The following AFAP1L1 variants were observed in gnomAD, a reference collection of about 807,000 sequenced individuals.
The protein encoded by AFAP1L1 is actin filament associated protein 1 like 1.
AFAP1L1 carries 77 observed loss-of-function variants against 99.8 expected under a neutral mutation model. The ratio of observed to expected loss-of-function variants is 0.77; its 90% CI spans 0.64 to 0.93. The LOEUF is 0.93. Ranked by LOEUF, AFAP1L1 falls within the 40% of genes least tolerant of loss-of-function variation. The pLI is 0.00. For synonymous variants in AFAP1L1, 373 were observed against 395.3 expected (o/e 0.94, Z 0.67); for missense variants, 893 against 996.8 (o/e 0.90, Z 1.40).
rs1206851813 is a variant in AFAP1L1 at position 149,312,152 on chromosome 5, G to T, written c.968G>T (p.Gly323Val). The T allele has an allele frequency of 6.2e-7, 1 of 1,614,134 alleles. No homozygotes were observed. The highest frequency in any genetic ancestry group is 2.2e-5 in the East Asian group (1 of 44,874). Residue 323 changes from glycine to valine, a missense_variant, in exon 9 of 19, where the codon GGA becomes GTA. Gly to Val is a moderately radical substitution (Grantham distance 109, BLOSUM62 -3). Transcript: ENST00000296721. ...AGCAAGCCAGTTGGGGGAGCTGAGG[G>T]AGTGGAGGTCCCCAGATCCCCAGTC... ...EVSKPVGGAE[G>V]VEVPRSPVLL...
At chr5:149,338,085 C>T (rs760563051) in intron 18 of AFAP1L1, among the ~76,000 whole-genome samples, 5 of 152,216 alleles carry the variant, frequency 3.3e-5, no homozygotes, top group Non-Finnish European at 7.3e-5. Context: ...ATTTAAAGGA[C>T]AGCTGTTTAT....
At chr5:149,292,547 A>C (rs1410873927) in intron 1 of AFAP1L1, among the ~76,000 whole-genome samples, 1 of 152,196 alleles carries the variant, frequency 6.6e-6, no homozygotes, top group Non-Finnish European at 1.5e-5. Context: ...TAGGTTTCTA[A>C]ATTTATTTGA....
chr5:149,281,141 C>T (rs1230865907), intron 1 of AFAP1L1, among the ~76,000 whole-genome samples: 2 of 152,136 alleles, frequency 1.3e-5, no homozygotes, highest in Non-Finnish European at 2.9e-5. Flanking sequence ...CAGTCATTCA[C>T]GGTGGGGGGG....
intron 1 of AFAP1L1, among the ~76,000 whole-genome samples, chr5:149,296,296 A>C (rs1438480134): frequency 6.6e-6 from 1 of 152,208 alleles, no homozygotes; most frequent in East Asian, 1.9e-4. Flanking sequence ...AGCCTCCCAA[A>C]ATGTTGAGAT....
Position 149,317,618 on chromosome 5 carries a change from G to A in AFAP1L1, c.1268-111G>A, listed in dbSNP as rs966637025. The stretch of plus-strand genomic sequence containing the variant: ...TCACCCTGAGGTCACAGGGGAAAGA[G>A]AGCTGACCAGGACCCCGAGGCCTTC... On this transcript the variant is annotated intron_variant, in intron 11 of 18. Transcript: ENST00000296721. 2.7e-6 allele frequency: 3 copies of A among 1,111,732 alleles called. No homozygotes were observed. The East Asian group carries it at 7.7e-5, about 29-fold the overall frequency. The allele number at this position is 1,111,732 out of a possible 1,614,324, so 68.9% of individuals were successfully genotyped here.
chr5:149,272,840 T>C (rs1482504925), intron 1 of AFAP1L1, among the ~76,000 whole-genome samples: 1 of 152,036 alleles, frequency 6.6e-6, no homozygotes, highest in Non-Finnish European at 1.5e-5. Context: ...ATAGCTGGGA[T>C]TAGAGGCATG....
Position 149,320,501 on chromosome 5 carries a change from G to A in AFAP1L1, c.1698+38G>A, listed in dbSNP as rs1192278024. The A allele has an allele frequency of 6.3e-7, 1 of 1,584,574 alleles. No individual in the cohort carries two copies. ...GGGGCTGCCCAGGAATGTGGCAAAGGCCACTTATTAGCTCTCCCTCTTTCT... is the reference window on the plus strand; with the variant it reads ...GGGGCTGCCCAGGAATGTGGCAAAGACCACTTATTAGCTCTCCCTCTTTCT... On this transcript the variant is annotated intron_variant, in intron 14 of 18. Coordinates refer to ENST00000296721, the MANE Select transcript of AFAP1L1 (RefSeq NM_152406.4). The surrounding 1 kb of genome is among the most constrained non-coding windows in gnomAD (Gnocchi z 4.0).
intron 1 of AFAP1L1, among the ~76,000 whole-genome samples, chr5:149,279,418 G>A (rs957303038): frequency 1.2e-4 from 19 of 152,174 alleles, no homozygotes; most frequent in Admixed American, 2.6e-4. Context: ...AGAAGCTTTC[G>A]CAGCTTGACC....
Position 149,312,116 on chromosome 5 carries a change from T to C in AFAP1L1, c.932T>C (p.Ile311Thr). The change falls in exon 9 of 19, where the codon ATC becomes ACC. Residue 311 changes from isoleucine to threonine, a missense_variant. By Grantham distance (89) the Ile-to-Thr change is moderately conservative. Transcript: ENST00000296721. ...AGCTGTGTGTCCTCTTCACAGGTCA[T>C]CCGAGAAGTGAGCAAGCCAGTTGGG... ...REQAEEWLKV[I>T]REVSKPVGGA... 1 of 1,613,404 alleles carries C rather than the reference T, an allele frequency of 6.2e-7. No individual in the cohort carries two copies. Among genetic ancestry groups the C allele is most frequent in the African/African-American group, 1.3e-5 (1 of 75,036 alleles).
At chr5:149,300,710 A>G (rs1415623097) in intron 3 of AFAP1L1, among the ~76,000 whole-genome samples, 1 of 152,230 alleles carries the variant, frequency 6.6e-6, no homozygotes, top group Admixed American at 6.5e-5. Flanking sequence ...TGCCACGGGC[A>G]TGGGAGCAGC....
chr5:149,306,511 G>A, intron 6 of AFAP1L1, 107 bp downstream of exon 6: 2 of 1,046,258 alleles, frequency 1.9e-6, no homozygotes, highest in Non-Finnish European at 1.4e-6. Flanking sequence ...CCCTCACCCA[G>A]ACCATGGTCA....
intron 17 of AFAP1L1, among the ~76,000 whole-genome samples, chr5:149,335,022 T>A (rs1757363848): frequency 6.6e-6 from 1 of 152,208 alleles, no homozygotes; most frequent in African/African-American, 2.4e-5. Context: ...TGACTAATAA[T>A]AGTACCTACT....
At chr5:149,279,234 A>G (rs1377132026) in intron 1 of AFAP1L1, among the ~76,000 whole-genome samples, 2 of 152,236 alleles carry the variant, frequency 1.3e-5, no homozygotes, top group East Asian at 3.8e-4. Context: ...AGGAGATTAA[A>G]CAGAGGCCAG....
intron 14 of AFAP1L1, among the ~76,000 whole-genome samples, 164 bp from the exon 15 acceptor site, chr5:149,322,442 C>G (rs551762311): frequency 3.9e-5 from 6 of 152,218 alleles, no homozygotes; most frequent in Non-Finnish European, 8.8e-5. Context: ...TGATATACTG[C>G]TAGCAAAAGT....
intron 18 of AFAP1L1, among the ~76,000 whole-genome samples, chr5:149,339,427 C>T (rs1034918983): frequency 1.3e-5 from 2 of 152,020 alleles, no homozygotes; most frequent in Non-Finnish European, 2.9e-5. Flanking sequence ...CTCCTGACCT[C>T]GTGATCCGCC....
chr5:149,298,882 C>T (rs568785680), intron 1 of AFAP1L1, among the ~76,000 whole-genome samples: 1 of 152,338 alleles, frequency 6.6e-6, no homozygotes, highest in South Asian at 2.1e-4. Context: ...TCAGAATTTG[C>T]ATTTTGACAA....
chr5:149,296,040 A>G (rs1756006463), intron 1 of AFAP1L1, among the ~76,000 whole-genome samples: 1 of 152,198 alleles, frequency 6.6e-6, no homozygotes, highest in African/African-American at 2.4e-5. Flanking sequence ...GGAGTCCTCA[A>G]CAATTTTTTT....
chr5:149,332,743 A>G lies in AFAP1L1; in HGVS notation c.2024A>G (p.Gln675Arg). The G allele has an allele frequency of 6.2e-7, 1 of 1,613,932 alleles. No individual in the cohort carries two copies. The highest frequency in any genetic ancestry group is 8.5e-7 in the Non-Finnish European group (1 of 1,180,008). Reference sequence around the variant, plus strand: ...GAAGCCGTGGCCACCCTGGAAGCTCAGTGTCGGGCAAAGGAGGAGCGCCGG... The same window carrying G: ...GAAGCCGTGGCCACCCTGGAAGCTCGGTGTCGGGCAAAGGAGGAGCGCCGG... ...LEEAVATLEA[Q>R]CRAKEERRID... Residue 675 changes from glutamine to arginine, a missense_variant, in exon 17 of 19, where the codon CAG becomes CGG. By Grantham distance (43) the Gln-to-Arg change is conservative. Coordinates refer to ENST00000296721, the MANE Select transcript of AFAP1L1 (RefSeq NM_152406.4).
chr5:149,291,545 A>G (rs1755858971), intron 1 of AFAP1L1, among the ~76,000 whole-genome samples: 1 of 143,428 alleles, frequency 7.0e-6, no homozygotes, highest in Non-Finnish European at 1.5e-5. Flanking sequence ...AAAAAAAAAA[A>G]AAAAAGAAAG....
Sources: allele counts gnomAD v4.1 joint callset (sites outside exome capture counted in the v4.1 genomes callset), GRCh38; gene constraint gnomAD v4.1.1; non-coding constraint Gnocchi (gnomAD v3.1); transcripts MANE v1.5; gene names NCBI Gene and HGNC (gene_info 2026-07-23, HGNC 2026-07-21).